CUX1: variants seen among roughly 807,000 people sequenced by gnomAD.
The protein encoded by CUX1 is protein CASP.
A neutral mutation model predicts 158.8 loss-of-function variants in CUX1; 31 were observed. The observed-to-expected ratio is 0.20, with a 90% CI of 0.15 to 0.26. The LOEUF is 0.26. CUX1 is among the 10% of genes least tolerant of loss of function. The pLI is 1.00. For missense variants in CUX1, 1,589 were observed against 2,014.6 expected, an observed-to-expected ratio of 0.79 and a Z score of 4.04; for synonymous variants, 879 against 862.1, an observed-to-expected ratio of 1.02 and a Z score of -0.34.
At chr7:102,062,930 C>A (rs1825090380) in intron 3 of CUX1, among the ~76,000 whole-genome samples, 1 of 152,088 alleles carries the variant, frequency 6.6e-6, no homozygotes, top group South Asian at 2.1e-4. Context: ...CATGGAGAAA[C>A]CCCGTCTCTA....
chr7:101,892,387 C>T (rs1800972440), intron 1 of CUX1, among the ~76,000 whole-genome samples: 1 of 152,106 alleles, frequency 6.6e-6, no homozygotes, highest in African/African-American at 2.4e-5. Context: ...TTTCTGGCAC[C>T]GTATCCCAAA....
intron 12 of CUX1, 23 bp from the exon 13 acceptor site, chr7:102,193,819 A>G: frequency 6.2e-7 from 1 of 1,611,826 alleles, no homozygotes; most frequent in Non-Finnish European, 8.5e-7. Context: ...AAATAAAATA[A>G]CCCCTCTGTT....
intron 1 of CUX1, among the ~76,000 whole-genome samples, chr7:101,865,212 G>A (rs1797827246): frequency 6.6e-6 from 1 of 152,200 alleles, no homozygotes; most frequent in Non-Finnish European, 1.5e-5. Context: ...TGGAACTTCT[G>A]TGGGAGGCCA....
chr7:102,197,300 A>C lies in CUX1; in HGVS notation c.1889A>C (p.Gln630Pro). The change falls in exon 15 of 24, where the codon CAA (glutamine) becomes CCA (proline). Residue 630 changes from glutamine (Q) to proline (P), a missense_variant. This residue lies in a region of CUX1 where 37 missense variants were observed against 124.9 expected (regional missense o/e 0.30). Transcript: ENST00000292535. ...GCCCTCCGTAGCATCCAAGGCAGACAAAGAGGTGAGAGACTGGCGTTGGGT... is the reference window on the plus strand; with the variant it reads ...GCCCTCCGTAGCATCCAAGGCAGACCAAGAGGTGAGAGACTGGCGTTGGGT... ...ILALRSIQGR[Q>P]RENPGQSLNR... The C allele has an allele frequency of 6.2e-7, 1 of 1,611,044 alleles. No individual in the cohort carries two copies. The highest frequency in any genetic ancestry group is 1.1e-5 in the South Asian group (1 of 91,066).
chr7:101,871,007 G>A (rs1798461231), intron 1 of CUX1, among the ~76,000 whole-genome samples: 1 of 152,230 alleles, frequency 6.6e-6, no homozygotes. Context: ...CAGATGAGTA[G>A]GAGAGCGGGT....
At chr7:102,024,553 C>G (rs746930457) in intron 2 of CUX1, among the ~76,000 whole-genome samples, 12 of 152,178 alleles carry the variant, frequency 7.9e-5, no homozygotes, top group Non-Finnish European at 1.5e-4. Context: ...TCTCAAACTC[C>G]TGACCTCAGG....
At chr7:102,159,571 G>A (rs782150110) in intron 9 of CUX1, among the ~76,000 whole-genome samples, 1 of 152,206 alleles carries the variant, frequency 6.6e-6, no homozygotes, top group Admixed American at 6.6e-5. Context: ...AAAAGAAAGT[G>A]GTCCCCCAGC....
At chr7:101,823,976 C>G (rs1187945503) in intron 1 of CUX1, among the ~76,000 whole-genome samples, 1 of 152,234 alleles carries the variant, frequency 6.6e-6, no homozygotes, top group African/African-American at 2.4e-5. Flanking sequence ...TTCCATTTCC[C>G]CCCAAAAGCA....
Position 102,273,408 on chromosome 7 carries a change from CCACA to C in CUX1, c.1299_1302del (p.Thr434ProfsTer7), listed in dbSNP as rs1791370476. The C allele has an allele frequency of 6.2e-7, 1 of 1,612,528 alleles. No individual in the cohort carries two copies. The highest frequency in any genetic ancestry group is 1.7e-5 in the Admixed American group (1 of 59,894). ...CAAGTCCGTATCACTGAGGCTGTGG[CCACA>C]GCCACTGAGCAGAGAGAGCTGATCG... On this transcript the variant is annotated frameshift_variant, in exon 15 of 23. Transcript: ENST00000292538. LOFTEE classifies it high-confidence loss of function.
intron 6 of CUX1, among the ~76,000 whole-genome samples, chr7:102,104,978 T>C (rs1830179398): frequency 6.6e-6 from 1 of 152,076 alleles, no homozygotes; most frequent in Non-Finnish European, 1.5e-5. Context: ...AGGCAGCCAG[T>C]GGGCCCAAGA....
chr7:102,278,684 T>TATA (rs1554548449), intron 18 of CUX1, among the ~76,000 whole-genome samples: 2 of 135,642 alleles, frequency 1.5e-5, no homozygotes, highest in African/African-American at 5.5e-5. Flanking sequence ...TAAAATAAAA[T>TATA]AAATAAAATA....
chr7:102,021,455 G>C (rs1330356227), intron 2 of CUX1, among the ~76,000 whole-genome samples: 1 of 151,984 alleles, frequency 6.6e-6, no homozygotes, highest in Non-Finnish European at 1.5e-5. Flanking sequence ...CTACAAGCCT[G>C]CACCACCATA....
Position 102,253,574 on chromosome 7 carries a change from C to G in CUX1, c.*4532C>G. 1.0e-6 allele frequency: 1 copy of G among 985,404 alleles called. No homozygotes were observed. The highest frequency in any genetic ancestry group is 1.2e-6 in the Non-Finnish European group (1 of 829,928). The allele number at this position is 985,404 out of a possible 1,614,324, so 61.0% of individuals were successfully genotyped here. A position where few individuals can be genotyped will look rare whatever the true frequency, so the allele number is the denominator to read the frequency against. On this transcript the variant is annotated 3_prime_UTR_variant, in exon 24 of 24. Coordinates refer to ENST00000292535, the MANE Select transcript of CUX1 (RefSeq NM_181552.4). ...ATGTTTTTCATTCCTCTGATTTTAG[C>G]AAAGCAAATCTTACTGAAAAATAGC...
chr7:102,140,808 T>A (rs1396376968), intron 8 of CUX1, among the ~76,000 whole-genome samples: 1 of 150,128 alleles, frequency 6.7e-6, no homozygotes, highest in African/African-American at 2.5e-5. Context: ...GAGGTTGCGG[T>A]GAGCCAAGAT....
At chr7:101,961,902 G>A (rs995967379) in intron 2 of CUX1, 3 of 148,246 alleles carry the variant, frequency 2.0e-5, no homozygotes, top group African/African-American at 7.5e-5. Flanking sequence ...AAATTGCAGA[G>A]AGTTTGTAGT....
chr7:102,184,381 G>A (rs782516073), intron 11 of CUX1, among the ~76,000 whole-genome samples: 16 of 152,214 alleles, frequency 1.1e-4, no homozygotes, highest in Non-Finnish European at 1.9e-4. Flanking sequence ...TGTGGGCTCC[G>A]TGTATCTTTT....
chr7:101,870,144 G>GTTTT lies in CUX1; in HGVS notation c.31-45966_31-45963dup, dbSNP rs112866816. ...GGCCATGCAGGCCCTGATGTTTAGT[G>GTTTT]TTTTTTTTGTTTTTTTTTTTTTTTT... On this transcript the variant is annotated intron_variant, in intron 1 of 23. Coordinates refer to ENST00000292535, the MANE Select transcript of CUX1 (RefSeq NM_181552.4). 1.1e-4 allele frequency among the ~76,000 whole-genome samples: 12 copies of GTTTT among 111,222 alleles called. 1 individual carries two copies. The highest frequency in any genetic ancestry group is 2.2e-4 in the African/African-American group (6 of 26,886). The allele number at this position is 111,222 out of a possible 152,430, so 73.0% of individuals were successfully genotyped here. A position where few individuals can be genotyped will look rare whatever the true frequency, so the allele number is the denominator to read the frequency against.
intron 2 of CUX1, among the ~76,000 whole-genome samples, chr7:101,993,769 C>T (rs1365851349): frequency 3.9e-5 from 6 of 152,210 alleles, no homozygotes; most frequent in African/African-American, 9.6e-5. Flanking sequence ...AATGTCAGCC[C>T]TCATCCCTGC....
chr7:101,971,422 A>C (rs941736949), intron 2 of CUX1, among the ~76,000 whole-genome samples: 1 of 152,192 alleles, frequency 6.6e-6, no homozygotes, highest in Non-Finnish European at 1.5e-5. Flanking sequence ...CCAAGGCAGG[A>C]GGATCACTGG....
Sources: gnomAD v4.1 joint callset for allele counts (sites outside exome capture counted in the v4.1 genomes callset) on GRCh38, gnomAD v4.1.1 for gene constraint, gnomAD v4.1.1 regional missense constraint, MANE v1.5 for transcripts, NCBI Gene and HGNC (gene_info 2026-07-23, HGNC 2026-07-21) for gene names.